The following NDST3 variants were observed in gnomAD, a reference collection of about 807,000 sequenced individuals.
NDST3 encodes the protein N-deacetylase and N-sulfotransferase 3, also known as bifunctional heparan sulfate N-deacetylase/N-sulfotransferase 3.
Under a neutral mutation model 96.1 loss-of-function variants are expected in NDST3, and 58 were observed. That is an observed-to-expected ratio of 0.60 (90% CI 0.49 to 0.75). The LOEUF (loss-of-function observed/expected upper bound fraction) is 0.75, where lower values mean the gene tolerates loss of function less well. Ranked by LOEUF, NDST3 falls within the 30% of genes least tolerant of loss-of-function variation. The probability of loss-of-function intolerance (pLI) is 0.00; values close to 1 mark genes in which losing one functional copy is unlikely to be tolerated. For synonymous variants in NDST3, 333 were observed against 359.7 expected, an observed-to-expected ratio of 0.93 and a Z score of 0.84; for missense variants, 788 against 1,034.2, an observed-to-expected ratio of 0.76 and a Z score of 3.27.
chr4:118,150,728 C>G (rs1323079035), intron 6 of NDST3, among the ~76,000 whole-genome samples: 1 of 151,400 alleles, frequency 6.6e-6, no homozygotes, highest in Non-Finnish European at 1.5e-5. Flanking sequence ...ATTCAAAAGT[C>G]AGGAAACAAC....
chr4:118,086,263 A>G (rs2125824631), intron 2 of NDST3, among the ~76,000 whole-genome samples: 1 of 152,206 alleles, frequency 6.6e-6, no homozygotes, highest in South Asian at 2.1e-4. Context: ...TAATTTATGA[A>G]TCGTTTTGGA....
chr4:118,128,278 GC>G (rs1345618247), intron 4 of NDST3, among the ~76,000 whole-genome samples: 3 of 151,952 alleles, frequency 2.0e-5, no homozygotes, highest in Non-Finnish European at 4.4e-5. Context: ...TTAGAGGAAA[GC>G]CTTTCAGTTT....
chr4:118,042,354 T>C (rs1199196777), intron 1 of NDST3, among the ~76,000 whole-genome samples: 1 of 152,142 alleles, frequency 6.6e-6, no homozygotes, highest in Non-Finnish European at 1.5e-5. Flanking sequence ...CACCTTAGTC[T>C]GGACCTATAC....
intron 12 of NDST3, among the ~76,000 whole-genome samples, chr4:118,248,172 G>A (rs1391087168): frequency 1.3e-5 from 2 of 152,046 alleles, no homozygotes; most frequent in African/African-American, 4.8e-5. Context: ...CCAATATGGT[G>A]GAACCCCATC....
rs1246729093 is a variant in NDST3, at chr4:118,092,076, A to ATTTAT, written c.982-12940_982-12939insTATTT. ...TATTTATTTATTTATTTATTTATTTATTATATTTTAAGTTCTAGGGTACAT... is the reference window on the plus strand; with the variant it reads ...TATTTATTTATTTATTTATTTATTTATTTATTTATATTTTAAGTTCTAGGGTACAT... On this transcript the variant is annotated intron_variant, in intron 2 of 13. Coordinates refer to ENST00000296499, the MANE Select transcript of NDST3 (RefSeq NM_004784.3). 2.9e-4 allele frequency among the ~76,000 whole-genome samples: 44 copies of ATTTAT among 149,814 alleles called. No individual in the cohort carries two copies. The East Asian group carries it at 7.6e-3, about 26-fold the overall frequency.
At chr4:118,151,227 G>C (rs1202598146) in intron 6 of NDST3, among the ~76,000 whole-genome samples, 3 of 152,134 alleles carry the variant, frequency 2.0e-5, no homozygotes, top group Non-Finnish European at 4.4e-5. Context: ...TTACACTCTG[G>C]GGACTGTTGT....
intron 13 of NDST3, among the ~76,000 whole-genome samples, 166 bp downstream of exon 13, chr4:118,253,767 A>G (rs1283771463): frequency 6.6e-6 from 1 of 152,184 alleles, no homozygotes; most frequent in African/African-American, 2.4e-5. Context: ...TTTACCCACA[A>G]TATATTATTA....
intron 4 of NDST3, among the ~76,000 whole-genome samples, chr4:118,135,675 G>A (rs929089774): frequency 3.3e-5 from 5 of 152,068 alleles, no homozygotes; most frequent in African/African-American, 9.7e-5. Context: ...TTCCAGAAGC[G>A]ATGTTTTCTG....
chr4:118,113,179 T>C (rs1170930675), intron 3 of NDST3, among the ~76,000 whole-genome samples: 1 of 152,078 alleles, frequency 6.6e-6, no homozygotes. Context: ...ATACAGACAT[T>C]AAAGAGGTCA....
intron 6 of NDST3, among the ~76,000 whole-genome samples, chr4:118,163,436 T>A (rs1158187686): frequency 6.6e-6 from 1 of 151,956 alleles, no homozygotes; most frequent in Non-Finnish European, 1.5e-5. Context: ...AAATGATGAG[T>A]TCATGTCCTT....
intron 6 of NDST3, among the ~76,000 whole-genome samples, chr4:118,214,314 A>G (rs1739049091): frequency 1.3e-5 from 2 of 152,260 alleles, no homozygotes; most frequent in African/African-American, 4.8e-5. Context: ...GCCACATGTG[A>G]ATTGAATTCT....
chr4:118,092,706 C>T (rs1578622450), intron 2 of NDST3, among the ~76,000 whole-genome samples: 1 of 151,786 alleles, frequency 6.6e-6, no homozygotes, highest in Admixed American at 6.6e-5. Context: ...TTTATGAGTG[C>T]CTACTACATA....
chr4:118,193,806 C>A (rs1737478944), intron 6 of NDST3: 2 of 1,483,168 alleles, frequency 1.3e-6, no homozygotes, highest in African/African-American at 1.4e-5. Context: ...TGACACATGG[C>A]CAGGTTGAGG....
chr4:118,256,764 G>A lies in NDST3; in HGVS notation c.*1052G>A, dbSNP rs1330940797. On this transcript the variant is annotated 3_prime_UTR_variant, in exon 14 of 14. Transcript: ENST00000296499. ...ATGTGGTTAGGCTATTTACATTTAGGTTATTAAAAAATTGCATTTTCCCAG... is the reference window on the plus strand; with the variant it reads ...ATGTGGTTAGGCTATTTACATTTAGATTATTAAAAAATTGCATTTTCCCAG... 1.3e-5 allele frequency: 2 copies of A among 152,120 alleles called. No homozygotes were observed. The highest frequency in any genetic ancestry group is 2.9e-5 in the Non-Finnish European group (2 of 68,026). 9.4% of individuals were successfully genotyped at this position (152,120 alleles called of 1,614,324 possible).
chr4:118,081,207 GA>G (rs1353459718), intron 2 of NDST3, among the ~76,000 whole-genome samples: 1 of 152,236 alleles, frequency 6.6e-6, no homozygotes, highest in East Asian at 1.9e-4. Context: ...TATAGAAGAA[GA>G]ACCCTAAAGT....
intron 2 of NDST3, among the ~76,000 whole-genome samples, chr4:118,101,967 T>C (rs570383198): frequency 9.4e-4 from 143 of 152,100 alleles, no homozygotes; most frequent in Non-Finnish European, 1.8e-3. Flanking sequence ...TACTGTCAAA[T>C]GAAAATTCAA....
chr4:118,165,531 A>G (rs903373341), intron 6 of NDST3, among the ~76,000 whole-genome samples: 3 of 152,108 alleles, frequency 2.0e-5, no homozygotes, highest in African/African-American at 7.2e-5. Context: ...AAAATCAATA[A>G]GAAAACAATA....
At chr4:118,227,172 G>T (rs1739939954) in intron 8 of NDST3, among the ~76,000 whole-genome samples, 190 bp downstream of exon 8, 1 of 151,012 alleles carries the variant, frequency 6.6e-6, no homozygotes, top group Non-Finnish European at 1.5e-5. Flanking sequence ...TAAGTGAAGG[G>T]AATAAAACAG....
chr4:118,176,432 TCTAA>T (rs1736286051), intron 6 of NDST3, among the ~76,000 whole-genome samples: 1 of 152,158 alleles, frequency 6.6e-6, no homozygotes, highest in African/African-American at 2.4e-5. Context: ...TCATTTATTA[TCTAA>T]CCTTTCATCT....
Sources: gnomAD v4.1 joint callset for allele counts (sites outside exome capture counted in the v4.1 genomes callset) on GRCh38, gnomAD v4.1.1 for gene constraint, MANE v1.5 for transcripts, NCBI Gene and HGNC (gene_info 2026-07-23, HGNC 2026-07-21) for gene names.